The following LAMA3 variants were observed in gnomAD, a reference collection of about 807,000 sequenced individuals.
The protein encoded by LAMA3 is laminin subunit alpha-3.
LAMA3 carries 281 observed loss-of-function variants against 402.0 expected under a neutral mutation model. The ratio of observed to expected loss-of-function variants is 0.70; its 90% confidence interval spans 0.63 to 0.77. LAMA3 has a LOEUF of 0.77. Ranked by LOEUF, LAMA3 falls within the 30% of genes least tolerant of loss-of-function variation. The pLI is 0.00. For synonymous variants in LAMA3, 1,431 were observed against 1,558.4 expected (o/e 0.92, Z 1.93); for missense variants, 3,840 against 4,215.5 (o/e 0.91, Z 2.47).
At chr18:23,884,751 C>T (rs2065014117) in intron 40 of LAMA3, 22 bp from the exon 41 acceptor site, 1 of 1,599,092 alleles carries the variant, frequency 6.3e-7, no homozygotes, top group African/African-American at 1.3e-5. Flanking sequence ...TTTGATGGGG[C>T]CTTTTTCTGT....
At chr18:23,834,112 A>G (rs917458010) in intron 24 of LAMA3, 124 bp downstream of exon 24, 6 of 1,114,636 alleles carry the variant, frequency 5.4e-6, no homozygotes, top group Middle Eastern at 2.3e-4. Flanking sequence ...GAAAACAAGC[A>G]GGTGACTAGT....
chr18:23,731,664 A>T (rs566188177), intron 2 of LAMA3, among the ~76,000 whole-genome samples: 45 of 152,162 alleles, frequency 3.0e-4, no homozygotes, highest in Non-Finnish European at 6.2e-4. Flanking sequence ...TTCAGGAGGT[A>T]AGAGTAGGTT....
At position 23,934,065 on chromosome 18, in the gene LAMA3, C is replaced by T; in HGVS notation, c.8862+130C>T. 3 of 862,870 alleles carry T rather than the reference C, an allele frequency of 3.5e-6. No homozygotes were observed. The East Asian group carries it at 7.4e-5, about 21-fold the overall frequency. 53.5% of individuals were successfully genotyped at this position (862,870 alleles called of 1,614,324 possible). A position where few individuals can be genotyped will look rare whatever the true frequency, so the allele number is the denominator to read the frequency against. ...TAAAGTGGGATTGATGCATTATCAACAGTTGAATCACACCAAAATGTCAAA... is the reference window on the plus strand; with the variant it reads ...TAAAGTGGGATTGATGCATTATCAATAGTTGAATCACACCAAAATGTCAAA... On this transcript the variant is annotated intron_variant, in intron 67 of 74. Transcript: ENST00000313654.
chr18:23,951,089 T>C (rs1374519274), intron 72 of LAMA3, among the ~76,000 whole-genome samples: 4 of 152,252 alleles, frequency 2.6e-5, no homozygotes, highest in African/African-American at 4.8e-5. Context: ...TTTAGTCCTC[T>C]CATTTCATTC....
intron 32 of LAMA3, among the ~76,000 whole-genome samples, chr18:23,854,256 T>C (rs2064012603): frequency 6.6e-6 from 1 of 152,238 alleles, no homozygotes; most frequent in African/African-American, 2.4e-5. Flanking sequence ...CCAGTCATGA[T>C]TTTGCTTCCC....
chr18:23,792,474 T>A (rs763037181), intron 12 of LAMA3, among the ~76,000 whole-genome samples: 8 of 152,102 alleles, frequency 5.3e-5, no homozygotes, highest in Non-Finnish European at 1.0e-4. Flanking sequence ...CGGTAACTAA[T>A]CCGAGGGCAT....
chr18:23,700,843 G>T (rs2060778896), intron 1 of LAMA3, among the ~76,000 whole-genome samples: 1 of 151,958 alleles, frequency 6.6e-6, no homozygotes. Context: ...AACTACAGGG[G>T]CGTGCCACCA....
At chr18:23,808,185 G>A (rs2063000286) in intron 12 of LAMA3, among the ~76,000 whole-genome samples, 1 of 152,012 alleles carries the variant, frequency 6.6e-6, no homozygotes, top group Non-Finnish European at 1.5e-5. Flanking sequence ...TTGGTTCCAG[G>A]ACCATCCATG....
intron 32 of LAMA3, among the ~76,000 whole-genome samples, chr18:23,852,428 G>C (rs1362412082): frequency 6.6e-6 from 1 of 152,194 alleles, no homozygotes; most frequent in Non-Finnish European, 1.5e-5. Context: ...ATGTATTTCT[G>C]TTTGTTTTTG....
chr18:23,931,457 G>C (rs2082161815), intron 65 of LAMA3: 1 of 449,424 alleles, frequency 2.2e-6, no homozygotes, highest in Admixed American at 3.6e-5. Context: ...AAGAGTTCGA[G>C]ACCAGTCTTG....
In LAMA3 at chr18:23,914,796, C is replaced by T. The variant is rs200492645; in HGVS notation, c.7580C>T (p.Thr2527Ile). ...VYDMDGRNSN[T>I]LLNLDPENVV... is the part of the protein sequence containing the mutation. ...GACATGGATGGTAGAAATAGCAATA[C>T]ACTCCTTAATTTGGATCCTGAAAAT... is the stretch of plus-strand genomic sequence containing the variant. Residue 2527 changes from threonine to isoleucine, a missense_variant, in exon 58 of 75, where the codon ACA becomes ATA. Coordinates refer to ENST00000313654, the MANE Select transcript of LAMA3 (RefSeq NM_198129.4). The T allele has an allele frequency of 3.6e-5, 58 of 1,612,990 alleles. No individual in the cohort carries two copies. Among genetic ancestry groups the T allele is most frequent in the Non-Finnish European group, 4.7e-5 (56 of 1,179,052 alleles).
intron 11 of LAMA3, 51 bp downstream of exon 11, chr18:23,777,670 T>A: frequency 7.6e-7 from 1 of 1,315,292 alleles, no homozygotes; most frequent in Non-Finnish European, 1.1e-6. Context: ...TATGCCCTTA[T>A]TCTTTTCCTA....
At chr18:23,903,164 A>G (rs756830954) in intron 49 of LAMA3, 39 bp downstream of exon 49, 1 of 1,228,944 alleles carries the variant, frequency 8.1e-7, no homozygotes, top group Non-Finnish European at 1.2e-6. Context: ...ATCTAAAAAC[A>G]TTTTAATTAT....
intron 8 of LAMA3, among the ~76,000 whole-genome samples, chr18:23,765,934 T>A (rs559978336): frequency 6.6e-6 from 1 of 152,046 alleles, no homozygotes; most frequent in Admixed American, 6.5e-5. Flanking sequence ...GAAAAATATA[T>A]ATATTTCAAA....
At chr18:23,734,171 G>C (rs532920023) in intron 2 of LAMA3, among the ~76,000 whole-genome samples, 1 of 152,194 alleles carries the variant, frequency 6.6e-6, no homozygotes, top group Non-Finnish European at 1.5e-5. Flanking sequence ...GGCCAAACTG[G>C]TATGCAGTGG....
chr18:23,808,743 C>T (rs554813977), intron 12 of LAMA3, among the ~76,000 whole-genome samples: 20 of 152,284 alleles, frequency 1.3e-4, no homozygotes, highest in African/African-American at 3.4e-4. Flanking sequence ...TGTCGTTCAC[C>T]ATCATTTACT....
intron 8 of LAMA3, among the ~76,000 whole-genome samples, chr18:23,769,340 A>G (rs754360027): frequency 5.3e-5 from 8 of 152,226 alleles, no homozygotes; most frequent in Admixed American, 2.0e-4. Context: ...TTTGTAAATA[A>G]TACTTCAATA....
Position 23,846,154 on chromosome 18 carries a change from G to A in LAMA3, c.3720-143G>A, listed in dbSNP as rs541391826. On this transcript the variant is annotated intron_variant, in intron 30 of 74. Coordinates refer to ENST00000313654, the MANE Select transcript of LAMA3 (RefSeq NM_198129.4). ...TGTCACCGGCTGAGTCTGAGGTGGGGTATTTCCCACTCTTCCCTGACTCCA... is the reference window on the plus strand; with the variant it reads ...TGTCACCGGCTGAGTCTGAGGTGGGATATTTCCCACTCTTCCCTGACTCCA... The A allele has an allele frequency of 4.6e-6, 4 of 861,390 alleles. No homozygotes were observed. In the African/African-American group the frequency reaches 5.0e-5, roughly 11 times the overall value. The allele number at this position is 861,390 out of a possible 1,614,324, so 53.4% of individuals were successfully genotyped here.
chr18:23,834,062 A>G, intron 24 of LAMA3, 74 bp downstream of exon 24: 1 of 1,537,806 alleles, frequency 6.5e-7, no homozygotes, highest in East Asian at 2.2e-5. Flanking sequence ...TTTGGCTGTT[A>G]CTTGCATTGG....
Sources: gnomAD v4.1 joint callset for allele counts (sites outside exome capture counted in the v4.1 genomes callset) on GRCh38, gnomAD v4.1.1 for gene constraint, MANE v1.5 for transcripts, NCBI Gene and HGNC (gene_info 2026-07-23, HGNC 2026-07-21) for gene names.